The following PDE6A variants were observed in gnomAD, a reference collection of about 807,000 sequenced individuals.
PDE6A encodes the protein rod cGMP-specific 3',5'-cyclic phosphodiesterase subunit alpha.
In PDE6A, 84 loss-of-function variants were observed where a neutral mutation model predicts 106.3. The observed-to-expected ratio is 0.79, with a 90% CI of 0.66 to 0.95. The LOEUF (loss-of-function observed/expected upper bound fraction) is 0.95. Among genes scored for constraint, PDE6A ranks in the 40% least tolerant of loss-of-function variants. The pLI, the probability that PDE6A is intolerant of heterozygous loss-of-function variation, is 0.00. For synonymous variants in PDE6A, 394 were observed against 386.6 expected, an observed-to-expected ratio of 1.02 and a Z score of -0.23; for missense variants, 1,052 against 1,084.9, an observed-to-expected ratio of 0.97 and a Z score of 0.43.
At chr5:149,924,596 A>ATTCCTAC (rs1169288064) in intron 4 of PDE6A, among the ~76,000 whole-genome samples, 2 of 152,132 alleles carry the variant, frequency 1.3e-5, no homozygotes, top group Non-Finnish European at 2.9e-5. Flanking sequence ...AAGAGAGAGG[A>ATTCCTAC]TTCCTACTTC....
At chr5:149,937,864 C>T (rs1454736636) in intron 1 of PDE6A, among the ~76,000 whole-genome samples, 1 of 152,142 alleles carries the variant, frequency 6.6e-6, no homozygotes, top group East Asian at 1.9e-4. Flanking sequence ...TCACATCAGC[C>T]CTGCCAAATA....
At chr5:149,902,679 G>T (rs962431026) in intron 8 of PDE6A, among the ~76,000 whole-genome samples, 1 of 151,960 alleles carries the variant, frequency 6.6e-6, no homozygotes, top group South Asian at 2.1e-4. Context: ...AAAATTAGCC[G>T]GGCGTAGTGG....
rs1760240152 is a variant in PDE6A at position 149,864,113 on chromosome 5, C to T, written c.2359-847G>A. ...TCCCTTTGCTTGTCTCCCCGAGAGG[C>T]TGAGAACCTGGAGAGGGCAGGGACA... On this transcript the variant is annotated intron_variant, in intron 20 of 21. Transcript: ENST00000255266. Among the ~76,000 whole-genome samples the T allele has an allele frequency of 2.6e-5, 4 of 152,184 alleles. No individual in the cohort carries two copies. The East Asian group carries it at 7.7e-4, about 29-fold the overall frequency.
chr5:149,895,448 C>G (rs1223326125), intron 12 of PDE6A, among the ~76,000 whole-genome samples, 158 bp from the exon 13 acceptor site: 1 of 152,200 alleles, frequency 6.6e-6, no homozygotes, highest in Non-Finnish European at 1.5e-5. Flanking sequence ...AGAGCTTGTA[C>G]TAGATGCAAT....
At position 149,944,434 on chromosome 5, in the gene PDE6A, A is replaced by G. The variant is rs776664462; in HGVS notation, c.240T>C (p.Asn80=). Residue 80 remains asparagine (N), a synonymous_variant, in exon 1 of 22, where the codon AAT becomes AAC. Coordinates refer to ENST00000255266, the MANE Select transcript of PDE6A (RefSeq NM_000440.3). ...GGAGGAAGCACAGCTTCTTCATGACATTGAAGATGCATTTCTCTGTCTGTA... is the reference window on the plus strand; with the variant it reads ...GGAGGAAGCACAGCTTCTTCATGACGTTGAAGATGCATTTCTCTGTCTGTA... The part of the protein sequence containing the change: ...ENLQTEKCIF[N]VMKKLCFLLQ... 25 of 1,613,978 alleles carry G rather than the reference A, an allele frequency of 1.5e-5. No individual in the cohort carries two copies. In the East Asian group the frequency reaches 5.1e-4, roughly 33 times the overall value.
chr5:149,895,453 T>C (rs1049051689), intron 12 of PDE6A, among the ~76,000 whole-genome samples, 163 bp from the exon 13 acceptor site: 2 of 152,226 alleles, frequency 1.3e-5, no homozygotes, highest in Non-Finnish European at 2.9e-5. Context: ...TTGTACTAGA[T>C]GCAATCATGC....
chr5:149,927,809 A>T (rs1753903777), intron 4 of PDE6A, among the ~76,000 whole-genome samples: 1 of 151,682 alleles, frequency 6.6e-6, no homozygotes, highest in Admixed American at 6.6e-5. Flanking sequence ...TTTATCCTAC[A>T]AGCTTTTTTT....
intron 20 of PDE6A, among the ~76,000 whole-genome samples, chr5:149,865,759 G>T (rs1441014501): frequency 1.3e-5 from 2 of 152,258 alleles, no homozygotes; most frequent in African/African-American, 4.8e-5. Context: ...TTAACAGAAA[G>T]TTGGGAGCAA....
At chr5:149,906,046 C>T (rs922589216) in intron 7 of PDE6A, among the ~76,000 whole-genome samples, 7 of 151,660 alleles carry the variant, frequency 4.6e-5, no homozygotes, top group East Asian at 2.0e-4. Flanking sequence ...TTTGTAGAGA[C>T]GGAGTCTTGG....
chr5:149,903,472 G>C (rs1351568988), intron 8 of PDE6A, among the ~76,000 whole-genome samples, 176 bp downstream of exon 8: 1 of 151,998 alleles, frequency 6.6e-6, no homozygotes, highest in African/African-American at 2.4e-5. Flanking sequence ...TAGGACCTTG[G>C]AAATTACCCA....
Position 149,907,371 on chromosome 5 carries a change from G to C in PDE6A, c.1006C>G (p.Pro336Ala), listed in dbSNP as rs760773385. Residue 336 changes from proline to alanine, a missense_variant, in exon 7 of 22, where the codon CCT becomes GCT. By Grantham distance (27) the Pro-to-Ala change is conservative (BLOSUM62 -1). This residue lies in a region of PDE6A where 913 missense variants were observed against 915.2 expected (regional missense o/e 1.00). Coordinates refer to ENST00000255266, the MANE Select transcript of PDE6A (RefSeq NM_000440.3). ...KEDIKVIPNP[P>A]PDHWALVSGL... ...CTTACTAAAGCCCAATGGTCAGGAG[G>C]TGGATTCCTGTGAAGGCCAAAGACA... 1.9e-6 allele frequency: 3 copies of C among 1,613,798 alleles called. No individual in the cohort carries two copies. Among genetic ancestry groups the C allele is most frequent in the Non-Finnish European group, 2.5e-6 (3 of 1,179,672 alleles).
At chr5:149,890,838 A>AGTTT (rs1561719347) in intron 13 of PDE6A, among the ~76,000 whole-genome samples, 1 of 152,254 alleles carries the variant, frequency 6.6e-6, no homozygotes, top group Non-Finnish European at 1.5e-5. Context: ...TGAAAATTAA[A>AGTTT]ACAAATGATT....
At chr5:149,880,017 C>G (rs1760869348) in intron 17 of PDE6A, among the ~76,000 whole-genome samples, 1 of 152,190 alleles carries the variant, frequency 6.6e-6, no homozygotes, top group Non-Finnish European at 1.5e-5. Flanking sequence ...TTAAGTTCAT[C>G]CCATTGATCT....
At chr5:149,935,510 G>A (rs1581212407) in intron 1 of PDE6A, among the ~76,000 whole-genome samples, 1 of 152,206 alleles carries the variant, frequency 6.6e-6, no homozygotes, top group African/African-American at 2.4e-5. Context: ...GGATATGGGT[G>A]ACCAAGGTTC....
chr5:149,890,711 A>G (rs1162774467), intron 13 of PDE6A, among the ~76,000 whole-genome samples: 1 of 151,974 alleles, frequency 6.6e-6, no homozygotes, highest in South Asian at 2.1e-4. Flanking sequence ...CTCTAAGCCT[A>G]AAGTGTTTCT....
intron 4 of PDE6A, among the ~76,000 whole-genome samples, chr5:149,926,951 C>T (rs1050947359): frequency 3.7e-5 from 5 of 136,958 alleles, no homozygotes; most frequent in African/African-American, 1.4e-4. Context: ...GCACTCCAGC[C>T]TGGGCAACAA....
At chr5:149,907,662 G>T (rs1753242863) in intron 6 of PDE6A, among the ~76,000 whole-genome samples, 1 of 152,192 alleles carries the variant, frequency 6.6e-6, no homozygotes, top group South Asian at 2.1e-4. Context: ...CTGCTGAGCA[G>T]AAACAAACAC....
chr5:149,877,428 T>G (rs557482132), intron 17 of PDE6A, among the ~76,000 whole-genome samples: 41 of 152,178 alleles, frequency 2.7e-4, no homozygotes, highest in Non-Finnish European at 3.7e-4. Flanking sequence ...ACAAAAAATT[T>G]AAAAAGAGTC....
At chr5:149,888,132 A>G (rs1256335372) in intron 13 of PDE6A, among the ~76,000 whole-genome samples, 1 of 152,160 alleles carries the variant, frequency 6.6e-6, no homozygotes, top group African/African-American at 2.4e-5. Flanking sequence ...GAGCAAGATC[A>G]TATCTCAAAA....
Sources: allele counts gnomAD v4.1 joint callset (sites outside exome capture counted in the v4.1 genomes callset), GRCh38; gene constraint gnomAD v4.1.1; regional missense constraint gnomAD v4.1.1; transcripts MANE v1.5; gene names NCBI Gene and HGNC (gene_info 2026-07-23, HGNC 2026-07-21).